COL15A1: variants seen among roughly 807,000 people sequenced by gnomAD.
COL15A1 encodes collagen alpha-1(XV) chain.
A neutral mutation model predicts 165.9 loss-of-function variants in COL15A1; 111 were observed. The ratio of observed to expected loss-of-function variants is 0.67; its 90% confidence interval spans 0.57 to 0.78. COL15A1 has a LOEUF of 0.78. COL15A1 is among the 30% of genes least tolerant of loss of function. The pLI, the probability that COL15A1 is intolerant of heterozygous loss-of-function variation, is 0.00. For synonymous variants in COL15A1, 659 were observed against 674.8 expected (o/e 0.98, Z 0.36); for missense variants, 1,745 against 1,789.7 (o/e 0.98, Z 0.45).
chr9:99,023,452 G>C lies in COL15A1; in HGVS notation c.1854+3G>C. 8.0e-7 allele frequency: 1 copy of C among 1,248,730 alleles called. No individual in the cohort carries two copies. Among genetic ancestry groups the C allele is most frequent in the Non-Finnish European group, 1.2e-6 (1 of 849,026 alleles). 77.4% of individuals were successfully genotyped at this position (1,248,730 alleles called of 1,614,324 possible). On this transcript the variant is annotated splice_donor_region_variant and intron_variant, in intron 14 of 41. Transcript: ENST00000375001. ...TGGGCAGTGAGCAGCTGCTGAGAGT[G>C]AGTGTGAAGGAGGACACGACCTGGT... is the stretch of plus-strand genomic sequence containing the variant.
chr9:99,060,962 C>T (rs748673507), intron 36 of COL15A1, among the ~76,000 whole-genome samples: 1 of 152,208 alleles, frequency 6.6e-6, no homozygotes, highest in Non-Finnish European at 1.5e-5. Context: ...GTCAGATTTA[C>T]TTGGATAATT....
chr9:98,963,500 T>C (rs960327592), intron 2 of COL15A1, among the ~76,000 whole-genome samples: 1 of 152,194 alleles, frequency 6.6e-6, no homozygotes, highest in Non-Finnish European at 1.5e-5. Flanking sequence ...TCTTCTGATA[T>C]CCAGGTGGGT....
chr9:98,991,489 A>G (rs1838428946), intron 5 of COL15A1, among the ~76,000 whole-genome samples: 1 of 152,018 alleles, frequency 6.6e-6, no homozygotes, highest in Admixed American at 6.5e-5. Flanking sequence ...CTAGACACAG[A>G]GCACTGATTG....
intron 2 of COL15A1, among the ~76,000 whole-genome samples, chr9:98,950,739 C>T (rs549478577): frequency 1.1e-3 from 170 of 152,018 alleles, no homozygotes; most frequent in African/African-American, 3.8e-3. Context: ...CTTAGCCTCC[C>T]GAGTAGCTGA....
intron 2 of COL15A1, among the ~76,000 whole-genome samples, chr9:98,957,139 G>A (rs1251283596): frequency 6.6e-6 from 1 of 152,200 alleles, no homozygotes; most frequent in African/African-American, 2.4e-5. Flanking sequence ...CCGATTATCT[G>A]GTTGGGCCCA....
chr9:99,015,463 A>T lies in COL15A1; in HGVS notation c.1400A>T (p.Glu467Val). The change falls in exon 10 of 42, where the codon GAA (glutamate) becomes GTA (valine). Residue 467 changes from glutamate (E) to valine (V), a missense_variant. By Grantham distance (121) the Glu-to-Val change is moderately radical. Coordinates refer to ENST00000375001, the MANE Select transcript of COL15A1 (RefSeq NM_001855.5). Reference protein sequence around the residue: ...DSLTTAAAATEVSLSTFEDEE... With the variant: ...DSLTTAAAATVVSLSTFEDEE... ...TTAACAACAGCTGCAGCTGCAACCG[A>T]AGTGTCCCTCAGTACTTTTGAGGAT... The T allele has an allele frequency of 6.2e-7, 1 of 1,609,002 alleles. No individual in the cohort carries two copies. The highest frequency in any genetic ancestry group is 8.5e-7 in the Non-Finnish European group (1 of 1,175,964).
chr9:99,046,693 A>T (rs1722748888), intron 26 of COL15A1, among the ~76,000 whole-genome samples: 1 of 152,164 alleles, frequency 6.6e-6, no homozygotes, highest in Non-Finnish European at 1.5e-5. Context: ...AGCATGGGGA[A>T]ATCTGCCTCC....
rs143696476 is a variant in COL15A1 at position 99,022,150 on chromosome 9, G to A, written c.1761G>A (p.Thr587=). Residue 587 remains threonine, a splice_region_variant and synonymous_variant, in exon 13 of 42, where the codon ACG becomes ACA. Transcript: ENST00000375001. ...AACCTTCTGGGCCTGTTGGACCCAC[G>A]GTGAGATTCCCATCCAGGCTTGTCA... The part of the protein sequence containing the change: ...PPEPSGPVGP[T]AGAEAEGSGL... The A allele has an allele frequency of 2.0e-5, 32 of 1,613,988 alleles. No homozygotes were observed. Among genetic ancestry groups the A allele is most frequent in the African/African-American group, 9.3e-5 (7 of 74,896 alleles).
chr9:99,036,046 T>G lies in COL15A1; in HGVS notation c.2290-124T>G, dbSNP rs144185009. On this transcript the variant is annotated intron_variant, in intron 19 of 41. Coordinates refer to ENST00000375001, the MANE Select transcript of COL15A1 (RefSeq NM_001855.5). The stretch of plus-strand genomic sequence containing the variant: ...CTCCAGAAGGGGCATTTTTCGCTTA[T>G]TCTTGGTTCCCATTGCCTGGGACAA... 682 of 784,708 alleles carry G rather than the reference T, an allele frequency of 8.7e-4. 1 individual carries two copies. Among genetic ancestry groups the G allele is most frequent in the Middle Eastern group, 1.5e-3 (4 of 2,646 alleles). The allele number at this position is 784,708 out of a possible 1,614,324, so 48.6% of individuals were successfully genotyped here. A position where few individuals can be genotyped will look rare whatever the true frequency, so the allele number is the denominator to read the frequency against.
intron 2 of COL15A1, among the ~76,000 whole-genome samples, chr9:98,985,269 A>G (rs1220269321): frequency 1.3e-5 from 2 of 152,248 alleles, no homozygotes; most frequent in African/African-American, 2.4e-5. Context: ...GCAGAAAAAG[A>G]ATAATTAAAT....
rs918184687 is a variant in COL15A1, at chr9:99,045,465, C to T, written c.2679+695C>T. Among the ~76,000 whole-genome samples the T allele has an allele frequency of 2.7e-4, 41 of 152,224 alleles. 1 individual carries two copies. The highest frequency in any genetic ancestry group is 2.4e-3 in the Admixed American group (36 of 15,280). ...TGATATTAGGGCCCTTCTGGCCTTA[C>T]GGCTCTGGGAATCCATAACCCATCT... is the stretch of plus-strand genomic sequence containing the variant. On this transcript the variant is annotated intron_variant, in intron 26 of 41. Coordinates refer to ENST00000375001, the MANE Select transcript of COL15A1 (RefSeq NM_001855.5).
At chr9:99,062,366 T>C (rs1825830443) in intron 38 of COL15A1, 62 bp downstream of exon 38, 1 of 1,226,174 alleles carries the variant, frequency 8.2e-7, no homozygotes, top group South Asian at 1.2e-5. Context: ...TGAGTCCTCC[T>C]TGGTATCTAG....
In COL15A1 at chr9:99,022,061, G is replaced by A. The variant is rs564058298; in HGVS notation, c.1702-30G>A. ...GGGAGATGGTAGGAACAGAGTTCCA[G>A]CCGTTCACTGACCATTTTGTTCTCT... On this transcript the variant is annotated intron_variant, in intron 12 of 41. Coordinates refer to ENST00000375001, the MANE Select transcript of COL15A1 (RefSeq NM_001855.5). The A allele has an allele frequency of 3.7e-6, 6 of 1,613,586 alleles. No individual in the cohort carries two copies. In the African/African-American group the frequency reaches 5.3e-5, roughly 14 times the overall value.
At chr9:99,012,196 C>T (rs1381392444) in intron 9 of COL15A1, among the ~76,000 whole-genome samples, 2 of 152,146 alleles carry the variant, frequency 1.3e-5, no homozygotes, top group Non-Finnish European at 2.9e-5. Flanking sequence ...AGACTTAAGT[C>T]GTGTGAACTT....
intron 4 of COL15A1, among the ~76,000 whole-genome samples, chr9:98,988,778 C>T (rs1454561149): frequency 6.6e-6 from 1 of 151,854 alleles, no homozygotes. Context: ...CAAAAATTAG[C>T]CCGGCGTGGT....
intron 26 of COL15A1, 67 bp from the exon 27 acceptor site, chr9:99,047,719 G>T (rs1360422490): frequency 1.3e-6 from 2 of 1,537,706 alleles, no homozygotes; most frequent in Non-Finnish European, 1.8e-6. Context: ...AAGCGGGCTT[G>T]CACTCCTCAT....
chr9:98,999,283 G>T (rs536733394), intron 6 of COL15A1, among the ~76,000 whole-genome samples: 1 of 152,212 alleles, frequency 6.6e-6, no homozygotes, highest in South Asian at 2.1e-4. Flanking sequence ...CATTCCCAGG[G>T]TTAATAATAC....
Position 99,004,879 on chromosome 9 carries a change from C to T in COL15A1, c.1201-19C>T. On this transcript the variant is annotated intron_variant, in intron 8 of 41. Coordinates refer to ENST00000375001, the MANE Select transcript of COL15A1 (RefSeq NM_001855.5). ...GCATCATGGGGCACTGACGCGGTTCCTGTTGACTTTCTATTCAGGGTCCAG... is the reference window on the plus strand; with the variant it reads ...GCATCATGGGGCACTGACGCGGTTCTTGTTGACTTTCTATTCAGGGTCCAG... 5 of 1,613,940 alleles carry T rather than the reference C, an allele frequency of 3.1e-6. No individual in the cohort carries two copies. Among genetic ancestry groups the T allele is most frequent in the Non-Finnish European group, 4.2e-6 (5 of 1,179,878 alleles).
At chr9:99,021,269 C>A (rs1049834626) in intron 12 of COL15A1, among the ~76,000 whole-genome samples, 1 of 152,154 alleles carries the variant, frequency 6.6e-6, no homozygotes, top group Non-Finnish European at 1.5e-5. Context: ...GAGTGCCCAC[C>A]GGGGTGTGGG....
Sources: gnomAD v4.1 joint callset for allele counts (sites outside exome capture counted in the v4.1 genomes callset) on GRCh38, gnomAD v4.1.1 for gene constraint, MANE v1.5 for transcripts, NCBI Gene and HGNC (gene_info 2026-07-23, HGNC 2026-07-21) for gene names.